FZD6: variants seen among roughly 807,000 people sequenced by gnomAD.
FZD6 encodes the protein frizzled-6.
Under a neutral mutation model 61.4 loss-of-function variants are expected in FZD6, and 49 were observed. The observed-to-expected ratio is 0.80, with a 90% CI of 0.63 to 1.01. The LOEUF (loss-of-function observed/expected upper bound fraction) is 1.01. Among genes scored for constraint, FZD6 ranks in the 50% least tolerant of loss-of-function variants. The pLI is 0.00. For missense variants in FZD6, 724 were observed against 848.2 expected, an observed-to-expected ratio of 0.85 and a Z score of 1.82; for synonymous variants, 265 against 292.2, an observed-to-expected ratio of 0.91 and a Z score of 0.95.
chr8:103,326,652 T>C (rs183631045), intron 4 of FZD6, among the ~76,000 whole-genome samples: 26 of 151,132 alleles, frequency 1.7e-4, no homozygotes, highest in Admixed American at 1.6e-3. Flanking sequence ...GATTGCTAAA[T>C]TTGACTAAGT....
chr8:103,314,514 C>T (rs1312036339), intron 2 of FZD6, among the ~76,000 whole-genome samples: 1 of 152,198 alleles, frequency 6.6e-6, no homozygotes, highest in African/African-American at 2.4e-5. Context: ...GCTGTTTGCA[C>T]TCCAAGTTCC....
chr8:103,313,795 T>A (rs1239068189), intron 2 of FZD6, among the ~76,000 whole-genome samples: 1 of 144,292 alleles, frequency 6.9e-6, no homozygotes, highest in Non-Finnish European at 1.5e-5. Flanking sequence ...TGTGTGTGTG[T>A]GTGTGTGTCA....
intron 2 of FZD6, among the ~76,000 whole-genome samples, chr8:103,308,279 T>G (rs1019170481): frequency 6.6e-6 from 1 of 152,310 alleles, no homozygotes; most frequent in East Asian, 1.9e-4. Flanking sequence ...AAAAAAAATT[T>G]TTTTTGAGAT....
At chr8:103,320,865 A>T (rs1814767316) in intron 3 of FZD6, among the ~76,000 whole-genome samples, 1 of 152,166 alleles carries the variant, frequency 6.6e-6, no homozygotes, top group African/African-American at 2.4e-5. Flanking sequence ...AGGAAAGGAG[A>T]CAAAACTGAT....
chr8:103,331,765 G>A lies in FZD6; in HGVS notation c.*256G>A. The A allele has an allele frequency of 5.0e-6, 2 of 402,304 alleles. No homozygotes were observed. The highest frequency in any genetic ancestry group is 5.0e-5 in the South Asian group (2 of 39,798). The allele number at this position is 402,304 out of a possible 1,614,324, so 24.9% of individuals were successfully genotyped here. On this transcript the variant is annotated 3_prime_UTR_variant, in exon 7 of 7. Transcript: ENST00000358755. ...ATAGTGTGGGAGGACAGAGTTAGAG[G>A]AATCTTCCTTTTCTATTTATGAAGA...
At chr8:103,325,623 G>A in intron 4 of FZD6, 125 bp downstream of exon 4, 2 of 791,842 alleles carry the variant, frequency 2.5e-6, no homozygotes, top group East Asian at 2.5e-5. Flanking sequence ...CATAGGTAAG[G>A]ATTTCCTATA....
At chr8:103,304,407 T>A (rs1428116252) in intron 2 of FZD6, among the ~76,000 whole-genome samples, 3 of 152,208 alleles carry the variant, frequency 2.0e-5, no homozygotes, top group Non-Finnish European at 4.4e-5. Context: ...CAGACTCCTA[T>A]CCCAACTTAC....
chr8:103,326,414 G>C (rs1814951943), intron 4 of FZD6, among the ~76,000 whole-genome samples: 1 of 151,990 alleles, frequency 6.6e-6, no homozygotes, highest in Non-Finnish European at 1.5e-5. Context: ...GTCTTAAAGT[G>C]ATCCTGCTAT....
At chr8:103,314,192 A>G (rs1251586131) in intron 2 of FZD6, among the ~76,000 whole-genome samples, 1 of 152,186 alleles carries the variant, frequency 6.6e-6, no homozygotes, top group East Asian at 1.9e-4. Context: ...AAGTACATGT[A>G]TTGCATTCAT....
In FZD6 at chr8:103,329,848, GAT is replaced by G; in HGVS notation, c.1736_1737del (p.Asp579ValfsTer27). ...GTSAVAITSH[D>X]YLGQETLTEI... is the part of the protein sequence containing the mutation. The stretch of plus-strand genomic sequence containing the variant: ...TTCTGCAGTAGCAATTACTAGCCAT[GAT>G]TACCTAGGACAAGAAACTTTGACAG... On this transcript the variant is annotated frameshift_variant, in exon 6 of 7. Transcript: ENST00000358755. LOFTEE classifies it high-confidence loss of function. The G allele has an allele frequency of 5.0e-6, 8 of 1,614,032 alleles. No individual in the cohort carries two copies. Among genetic ancestry groups the G allele is most frequent in the Non-Finnish European group, 6.8e-6 (8 of 1,179,900 alleles).
In FZD6 at chr8:103,329,680, C is replaced by T; in HGVS notation, c.1567C>T (p.Leu523=). The T allele has an allele frequency of 6.2e-7, 1 of 1,610,710 alleles. No individual in the cohort carries two copies. Among genetic ancestry groups the T allele is most frequent in the Non-Finnish European group, 8.5e-7 (1 of 1,177,164 alleles). ...RDPISESRRV[L]QESCEFFLKH... ...TCCAATCAGTGAAAGTCGAAGAGTA[C>T]TACAGGAATCATGTGAGTTTTTCTT... The change falls in exon 6 of 7, where the codon CTA becomes TTA. Residue 523 remains leucine, a synonymous_variant. Coordinates refer to ENST00000358755, the MANE Select transcript of FZD6 (RefSeq NM_003506.4).
chr8:103,302,254 T>A (rs1159937752), intron 2 of FZD6, among the ~76,000 whole-genome samples: 1 of 152,202 alleles, frequency 6.6e-6, no homozygotes, highest in African/African-American at 2.4e-5. Context: ...CCTTTCCTAT[T>A]TATCCATATA....
In FZD6 at chr8:103,331,391, A is replaced by G; in HGVS notation, c.2003A>G (p.Asn668Ser). 1 of 1,612,136 alleles carries G rather than the reference A, an allele frequency of 6.2e-7. No individual in the cohort carries two copies. The highest frequency in any genetic ancestry group is 8.5e-7 in the Non-Finnish European group (1 of 1,178,286). ...ITDTGLAQSN[N>S]LQVPSSSEPS... ...GACACTGGCCTGGCACAGAGCAACAATTTGCAGGTCCCCAGTTCTTCAGAA... is the reference window on the plus strand; with the variant it reads ...GACACTGGCCTGGCACAGAGCAACAGTTTGCAGGTCCCCAGTTCTTCAGAA... The change falls in exon 7 of 7, where the codon AAT becomes AGT. Residue 668 changes from asparagine to serine, a missense_variant. Transcript: ENST00000358755.
intron 6 of FZD6, among the ~76,000 whole-genome samples, chr8:103,330,611 A>G (rs954056544): frequency 1.3e-5 from 2 of 152,138 alleles, no homozygotes; most frequent in African/African-American, 4.8e-5. Context: ...CTGTGATCCT[A>G]TGGCAGCTTT....
intron 6 of FZD6, 29 bp from the exon 7 acceptor site, chr8:103,331,312 T>C: frequency 6.6e-7 from 1 of 1,523,096 alleles, no homozygotes; most frequent in Non-Finnish European, 9.1e-7. Context: ...TGTGGATGTG[T>C]GTGTGTCAAC....
Position 103,317,756 on chromosome 8 carries a change from G to A in FZD6, c.178-834G>A, listed in dbSNP as rs190603419. Among the ~76,000 whole-genome samples, 386 of 151,210 alleles carry A rather than the reference G, an allele frequency of 2.6e-3. 8 individuals carry two copies. Among genetic ancestry groups the A allele is most frequent in the Non-Finnish European group, 8.1e-4 (55 of 67,882 alleles). On this transcript the variant is annotated intron_variant, in intron 2 of 6. Coordinates refer to ENST00000358755, the MANE Select transcript of FZD6 (RefSeq NM_003506.4). ...CAGGAGAATTGCTTGAACCTGGGAG[G>A]CAGAGGTTGTGGTGAGCTGAGATTA... is the stretch of plus-strand genomic sequence containing the variant.
intron 3 of FZD6, 68 bp from the exon 4 acceptor site, chr8:103,324,413 G>A: frequency 1.2e-6 from 1 of 819,960 alleles, no homozygotes; most frequent in Non-Finnish European, 2.0e-6. Flanking sequence ...TAGTTGGAAA[G>A]CATTGCTTAA....
chr8:103,329,475 T>G lies in FZD6; in HGVS notation c.1542-180T>G, dbSNP rs115540803. On this transcript the variant is annotated intron_variant, in intron 5 of 6. Transcript: ENST00000358755. ...CAACTTAGAGTGTATACACAAAAGA[T>G]TTTATAAAATCAGTTTATGTCCTAG... Among the ~76,000 whole-genome samples the G allele has an allele frequency of 6.5e-3, 987 of 152,262 alleles. 8 individuals carry two copies. Among genetic ancestry groups the G allele is most frequent in the African/African-American group, 0.022 (912 of 41,556 alleles).
At chr8:103,302,460 A>G (rs775174875) in intron 2 of FZD6, among the ~76,000 whole-genome samples, 1 of 152,204 alleles carries the variant, frequency 6.6e-6, no homozygotes, top group Non-Finnish European at 1.5e-5. Flanking sequence ...ATATTGAAAT[A>G]TAGCTCAGGT....
Sources: allele counts gnomAD v4.1 joint callset (sites outside exome capture counted in the v4.1 genomes callset), GRCh38; gene constraint gnomAD v4.1.1; transcripts MANE v1.5; gene names NCBI Gene and HGNC (gene_info 2026-07-23, HGNC 2026-07-21).